The following ADGRV1 variants were observed in gnomAD, a reference collection of about 807,000 sequenced individuals.
The protein encoded by ADGRV1 is adhesion G protein-coupled receptor V1, also known as G-protein coupled receptor 98.
ADGRV1 carries 359 observed loss-of-function variants against 596.2 expected under a neutral mutation model. The observed-to-expected ratio is 0.60, with a 90% CI of 0.55 to 0.66. The LOEUF (loss-of-function observed/expected upper bound fraction) is 0.66, where lower values mean the gene tolerates loss of function less well. Among genes scored for constraint, ADGRV1 ranks in the 30% least tolerant of loss-of-function variants. The probability of loss-of-function intolerance (pLI) is 0.00; values close to 1 mark genes in which losing one functional copy is unlikely to be tolerated. For synonymous variants in ADGRV1, 2,681 were observed against 2,679.2 expected (o/e 1.00, Z -0.02); for missense variants, 7,274 against 7,575.6 (o/e 0.96, Z 1.48).
At chr5:90,856,845 A>C (rs1447610163) in intron 82 of ADGRV1, among the ~76,000 whole-genome samples, 1 of 152,178 alleles carries the variant, frequency 6.6e-6, no homozygotes, top group Non-Finnish European at 1.5e-5. Flanking sequence ...AAATATATGA[A>C]GTCAGACATT....
rs1407148186 is a variant in ADGRV1, at chr5:91,058,464, T to TC, written c.18153-13983_18153-13982insC. On this transcript the variant is annotated intron_variant, in intron 85 of 89. Transcript: ENST00000405460. ...CATAAAATCGTTAGGTAATTGACCT[T>TC]TTTTTTTTTTTGGCATCTTTTGCCC... Among the ~76,000 whole-genome samples, 6 of 148,696 alleles carry TC rather than the reference T, an allele frequency of 4.0e-5. No homozygotes were observed. In the South Asian group the frequency reaches 1.3e-3, roughly 31 times the overall value.
At chr5:90,708,731 A>T in intron 38 of ADGRV1, 85 bp from the exon 39 acceptor site, 2 of 830,576 alleles carry the variant, frequency 2.4e-6, no homozygotes, top group Non-Finnish European at 4.0e-6. Flanking sequence ...TATACTAATT[A>T]TACAGTTTAA....
chr5:90,918,306 C>G (rs2150726457), intron 83 of ADGRV1, among the ~76,000 whole-genome samples: 1 of 152,286 alleles, frequency 6.6e-6, no homozygotes, highest in South Asian at 2.1e-4. Context: ...CGGACCACAT[C>G]TACTAGACTA....
chr5:90,873,203 C>T (rs1437724399), intron 83 of ADGRV1, among the ~76,000 whole-genome samples: 1 of 152,206 alleles, frequency 6.6e-6, no homozygotes, highest in Non-Finnish European at 1.5e-5. Context: ...GCAGCCTTTC[C>T]TATAGGCTAG....
intron 75 of ADGRV1, among the ~76,000 whole-genome samples, chr5:90,822,494 G>A (rs989005288): frequency 6.6e-6 from 1 of 152,120 alleles, no homozygotes; most frequent in African/African-American, 2.4e-5. Context: ...CTGTATCTCT[G>A]TTTTGGTACC....
intron 39 of ADGRV1, among the ~76,000 whole-genome samples, chr5:90,709,550 G>A (rs1749062905): frequency 6.6e-6 from 1 of 152,216 alleles, no homozygotes; most frequent in Non-Finnish European, 1.5e-5. Context: ...GAGTTGGTTA[G>A]AAGGAGTGCT....
chr5:90,824,209 A>G (rs955570220), intron 76 of ADGRV1, among the ~76,000 whole-genome samples: 2 of 152,228 alleles, frequency 1.3e-5, no homozygotes, highest in Admixed American at 6.5e-5. Flanking sequence ...TGGCATGGCC[A>G]CTGGTAGTCT....
chr5:90,893,055 C>T lies in ADGRV1; in HGVS notation c.17856+29198C>T, dbSNP rs561303220. Among the ~76,000 whole-genome samples the T allele has an allele frequency of 1.3e-4, 20 of 152,070 alleles. 1 individual carries two copies. Among genetic ancestry groups the T allele is most frequent in the Admixed American group, 6.6e-4 (10 of 15,246 alleles). ...ATTTATTATGTCACAAAATTTCTGA[C>T]GGTTGGGTATCTAAGAGTGGCTTTG... On this transcript the variant is annotated intron_variant, in intron 83 of 89. Transcript: ENST00000405460.
chr5:90,802,756 C>T lies in ADGRV1; in HGVS notation c.14535C>T (p.Gly4845=), dbSNP rs761682239. The T allele has an allele frequency of 2.5e-6, 4 of 1,612,116 alleles. No homozygotes were observed. Among genetic ancestry groups the T allele is most frequent in the East Asian group, 2.2e-5 (1 of 44,828 alleles). The change falls in exon 71 of 90, where the codon GGC becomes GGT. Residue 4845 remains glycine, a synonymous_variant. Coordinates refer to ENST00000405460, the MANE Select transcript of ADGRV1 (RefSeq NM_032119.4). Reference sequence around the variant, plus strand: ...GTTTATAGGTCTTCCTATCACTGGGCTCTAATTTCACTTTGCAACTGGTGA... The same window carrying T: ...GTTTATAGGTCTTCCTATCACTGGGTTCTAATTTCACTTTGCAACTGGTGA... The part of the protein sequence containing the change: ...PIKNQVFLSL[G]SNFTLQLVTV...
intron 85 of ADGRV1, among the ~76,000 whole-genome samples, chr5:91,018,103 GAGACCTAATAA>G (rs1480841113): frequency 6.6e-6 from 1 of 151,832 alleles, no homozygotes; most frequent in Non-Finnish European, 1.5e-5. Context: ...ATGATATACA[GAGACCTAATAA>G]AGAACCTGGT....
At chr5:91,060,398 A>ATATTTTT (rs796332430) in intron 85 of ADGRV1, among the ~76,000 whole-genome samples, 16 of 60,478 alleles carry the variant, frequency 2.6e-4, no homozygotes, top group African/African-American at 7.0e-4. Flanking sequence ...ATATATATAT[A>ATATTTTT]TTTTTTTTTT....
intron 1 of ADGRV1, among the ~76,000 whole-genome samples, chr5:90,610,330 G>C (rs1049337312): frequency 1.3e-5 from 2 of 151,886 alleles, no homozygotes; most frequent in South Asian, 2.1e-4. Flanking sequence ...ATAAAGCATC[G>C]TGGGAAACAG....
intron 87 of ADGRV1, among the ~76,000 whole-genome samples, chr5:91,125,388 G>A (rs543538889): frequency 1.3e-5 from 2 of 152,278 alleles, no homozygotes; most frequent in African/African-American, 4.8e-5. Context: ...GAAAGGGCCA[G>A]GAATATACTT....
chr5:90,734,860 G>A (rs1011512637), intron 50 of ADGRV1, among the ~76,000 whole-genome samples: 1 of 152,108 alleles, frequency 6.6e-6, no homozygotes, highest in Admixed American at 6.5e-5. Flanking sequence ...GCCCGGCCTA[G>A]CCTATTTTTT....
At chr5:90,676,529 T>C (rs1466881087) in intron 25 of ADGRV1, among the ~76,000 whole-genome samples, 4 of 152,304 alleles carry the variant, frequency 2.6e-5, no homozygotes, top group Middle Eastern at 3.4e-3. Flanking sequence ...TAGTTTCACA[T>C]TGATATGCTT....
At chr5:90,629,895 A>T (rs1462805626) in intron 9 of ADGRV1, 2 of 166,088 alleles carry the variant, frequency 1.2e-5, no homozygotes, top group Non-Finnish European at 2.6e-5. Context: ...CTTTGAATTG[A>T]TTTGGGAAAA....
intron 83 of ADGRV1, among the ~76,000 whole-genome samples, chr5:90,932,621 C>G (rs1200892232): frequency 6.6e-6 from 1 of 152,068 alleles, no homozygotes; most frequent in Non-Finnish European, 1.5e-5. Context: ...AATATTCTCC[C>G]TGATATTTAT....
At chr5:90,807,841 CACAA>C in intron 73 of ADGRV1, 104 bp downstream of exon 73, 2 of 1,065,462 alleles carry the variant, frequency 1.9e-6, no homozygotes, top group East Asian at 2.5e-5. Flanking sequence ...TTGAAGCAAA[CACAA>C]ACATAGTTTT....
chr5:91,109,615 A>G (rs1031146830), intron 87 of ADGRV1, among the ~76,000 whole-genome samples: 1 of 152,050 alleles, frequency 6.6e-6, no homozygotes, highest in African/African-American at 2.4e-5. Flanking sequence ...TGCAAGACTC[A>G]CCTCCTGCCA....
Sources: allele counts gnomAD v4.1 joint callset (sites outside exome capture counted in the v4.1 genomes callset), GRCh38; gene constraint gnomAD v4.1.1; transcripts MANE v1.5; gene names NCBI Gene and HGNC (gene_info 2026-07-23, HGNC 2026-07-21).